EIF2B3: variants seen among roughly 807,000 people sequenced by gnomAD.
The protein encoded by EIF2B3 is eukaryotic translation initiation factor 2B subunit gamma.
Under a neutral mutation model 54.1 loss-of-function variants are expected in EIF2B3, and 20 were observed. The ratio of observed to expected loss-of-function variants is 0.37; its 90% CI spans 0.26 to 0.54. EIF2B3 has a LOEUF of 0.54. Among genes scored for constraint, EIF2B3 ranks in the 20% least tolerant of loss-of-function variants. The pLI is 0.86. For synonymous variants in EIF2B3, 153 were observed against 188.1 expected, an observed-to-expected ratio of 0.81 and a Z score of 1.52; for missense variants, 448 against 547.8, an observed-to-expected ratio of 0.82 and a Z score of 1.82.
chr1:44,908,249 A>T (rs1643451872), intron 5 of EIF2B3, among the ~76,000 whole-genome samples: 1 of 152,224 alleles, frequency 6.6e-6, no homozygotes, highest in African/African-American at 2.4e-5. Flanking sequence ...GCCTACAAAG[A>T]CAAAATACAA....
intron 3 of EIF2B3, among the ~76,000 whole-genome samples, chr1:44,948,959 C>G (rs11588468): frequency 0.22 from 33,634 of 152,052 alleles, 4,051 homozygotes; most frequent in Admixed American, 0.33. Flanking sequence ...CCTCCGCCCC[C>G]CGAGGTTCAA....
chr1:44,897,261 C>G, intron 6 of EIF2B3, 94 bp downstream of exon 6: 1 of 889,170 alleles, frequency 1.1e-6, no homozygotes, highest in East Asian at 2.6e-5. Flanking sequence ...ATTTTAGAAA[C>G]TGGTTATCTA....
chr1:44,879,990 T>C lies in EIF2B3; in HGVS notation c.803A>G (p.Lys268Arg). The C allele has an allele frequency of 6.2e-7, 1 of 1,614,184 alleles. No individual in the cohort carries two copies. Among genetic ancestry groups the C allele is most frequent in the Non-Finnish European group, 8.5e-7 (1 of 1,180,030 alleles). The change falls in exon 8 of 12, where the codon AAA becomes AGA. Residue 268 changes from lysine to arginine, a missense_variant. This residue lies in a region of EIF2B3 where 350 missense variants were observed against 414.2 expected (regional missense o/e 0.85). Transcript: ENST00000360403. ...LKSLDIYSFI[K>R]EANTLNLAPY... is the part of the protein sequence containing the mutation. ...AGCCAGGTTCAGTGTATTGGCTTCT[T>C]TTATAAAACTGTAGATATCTTCAGA...
chr1:44,961,406 G>A (rs903224160), intron 3 of EIF2B3, among the ~76,000 whole-genome samples: 9 of 150,022 alleles, frequency 6.0e-5, no homozygotes, highest in African/African-American at 2.2e-4. Context: ...CGGGTGCATT[G>A]GCTCATCACA....
At chr1:44,900,795 T>A (rs1643277492) in intron 5 of EIF2B3, among the ~76,000 whole-genome samples, 1 of 152,170 alleles carries the variant, frequency 6.6e-6, no homozygotes, top group Non-Finnish European at 1.5e-5. Context: ...TCATCAAAGT[T>A]TTGGTCTGCA....
chr1:44,939,822 T>A (rs898439388), intron 4 of EIF2B3, among the ~76,000 whole-genome samples: 5 of 152,140 alleles, frequency 3.3e-5, no homozygotes, highest in Admixed American at 1.3e-4. Context: ...ATTTTTTAAT[T>A]GATTTTTATA....
intron 5 of EIF2B3, among the ~76,000 whole-genome samples, chr1:44,917,398 CAGG>C (rs1468034228): frequency 1.3e-5 from 2 of 150,410 alleles, no homozygotes; most frequent in Admixed American, 6.7e-5. Flanking sequence ...GTGGCTGAGG[CAGG>C]AGAATATCTT....
rs1290652271 is a variant in EIF2B3, at chr1:44,880,012, C to T, written c.785-4G>A. ...TCTTTTATAAAACTGTAGATATCTT[C>T]AGAACAAACACCCAACCAAGGAAAT... On this transcript the variant is annotated splice_region_variant and splice_polypyrimidine_tract_variant and intron_variant, in intron 7 of 11. Transcript: ENST00000360403. 2 of 1,613,868 alleles carry T rather than the reference C, an allele frequency of 1.2e-6. No individual in the cohort carries two copies. Among genetic ancestry groups the T allele is most frequent in the Non-Finnish European group, 1.7e-6 (2 of 1,179,918 alleles).
chr1:44,895,020 G>T lies in EIF2B3; in HGVS notation c.656+2335C>A, dbSNP rs79880091. ...CTCAAGTAACATTCTAATTTGCCCTGCTGTGCCTTTTTACTTTTTCCAATA... is the reference window on the plus strand; with the variant it reads ...CTCAAGTAACATTCTAATTTGCCCTTCTGTGCCTTTTTACTTTTTCCAATA... On this transcript the variant is annotated intron_variant, in intron 6 of 11. Transcript: ENST00000360403. 4.6e-3 allele frequency among the ~76,000 whole-genome samples: 701 copies of T among 152,268 alleles called. 6 individuals carry two copies. The highest frequency in any genetic ancestry group is 0.016 in the African/African-American group (666 of 41,538).
intron 10 of EIF2B3, among the ~76,000 whole-genome samples, chr1:44,868,099 A>T (rs1157858680): frequency 8.6e-5 from 13 of 151,994 alleles, no homozygotes. Flanking sequence ...CTTTTCTCAC[A>T]TAGAAAGCTG....
At chr1:44,939,942 G>T (rs1019330885) in intron 4 of EIF2B3, among the ~76,000 whole-genome samples, 2 of 151,986 alleles carry the variant, frequency 1.3e-5, no homozygotes, top group Admixed American at 6.6e-5. Flanking sequence ...TGAATACAGG[G>T]AATTGTAAGT....
At position 44,874,686 on chromosome 1, in the gene EIF2B3, C is replaced by T; in HGVS notation, c.1194G>A (p.Val398=). 6.2e-7 allele frequency: 1 copy of T among 1,614,116 alleles called. No individual in the cohort carries two copies. The highest frequency in any genetic ancestry group is 8.5e-7 in the Non-Finnish European group (1 of 1,180,008). The change falls in exon 10 of 12, where the codon GTG becomes GTA. Residue 398 remains valine (V), a synonymous_variant. Transcript: ENST00000360403. ...TACAGGGGGAAACATACCCTTCCTC[C>T]ACAGTGACTGAGTTCATGAGAAGGC... ...TNCLLMNSVT[V]EEGSNIQGSV...
Position 44,978,441 on chromosome 1 carries a change from G to A in EIF2B3, c.168C>T (p.Thr56=), listed in dbSNP as rs1490564704. ...CACATAGAGCCTTTTGAACATCCCT[G>A]GTTGTAACCACAATGACTTCTATAG... The part of the protein sequence containing the change: ...VGFEEVIVVT[T]RDVQKALCAE... The change falls in exon 3 of 12, where the codon ACC becomes ACT. Residue 56 remains threonine (T), a synonymous_variant. Transcript: ENST00000360403. 6.2e-7 allele frequency: 1 copy of A among 1,612,996 alleles called. No individual in the cohort carries two copies. Among genetic ancestry groups the A allele is most frequent in the Non-Finnish European group, 8.5e-7 (1 of 1,179,916 alleles).
At chr1:44,949,247 C>T (rs1284924622) in intron 3 of EIF2B3, among the ~76,000 whole-genome samples, 2 of 152,140 alleles carry the variant, frequency 1.3e-5, no homozygotes, top group Non-Finnish European at 2.9e-5. Context: ...TATATTTATC[C>T]ATCAAAATTC....
chr1:44,859,532 C>A (rs1557658761), intron 10 of EIF2B3, among the ~76,000 whole-genome samples: 2 of 151,816 alleles, frequency 1.3e-5, no homozygotes, highest in Non-Finnish European at 1.5e-5. Context: ...GCGGTGCGCA[C>A]CTGTGATCCC....
intron 4 of EIF2B3, among the ~76,000 whole-genome samples, chr1:44,937,826 G>A (rs971766101): frequency 1.4e-5 from 2 of 142,118 alleles, no homozygotes; most frequent in Non-Finnish European, 3.0e-5. Flanking sequence ...GGAGCTTGCA[G>A]TGAGCCGAGA....
intron 5 of EIF2B3, among the ~76,000 whole-genome samples, chr1:44,907,319 G>C (rs1643430446): frequency 6.6e-6 from 1 of 152,132 alleles, no homozygotes; most frequent in Non-Finnish European, 1.5e-5. Context: ...CAGCACTTTG[G>C]GTGGCCGAGG....
intron 10 of EIF2B3, among the ~76,000 whole-genome samples, chr1:44,872,673 C>T (rs1206897499): frequency 6.6e-6 from 1 of 151,860 alleles, no homozygotes; most frequent in Non-Finnish European, 1.5e-5. Flanking sequence ...AAAACACTAC[C>T]CCCAAAACCA....
At chr1:44,951,211 A>G (rs2148948262) in intron 3 of EIF2B3, among the ~76,000 whole-genome samples, 1 of 152,294 alleles carries the variant, frequency 6.6e-6, no homozygotes, top group East Asian at 1.9e-4. Flanking sequence ...ACTTTAAAAT[A>G]TCATATTAAT....
Sources: gnomAD v4.1 joint callset for allele counts (sites outside exome capture counted in the v4.1 genomes callset) on GRCh38, gnomAD v4.1.1 for gene constraint, gnomAD v4.1.1 regional missense constraint, MANE v1.5 for transcripts, NCBI Gene and HGNC (gene_info 2026-07-23, HGNC 2026-07-21) for gene names.